FARS2: variants seen among roughly 807,000 people sequenced by gnomAD.
FARS2 encodes phenylalanine--tRNA ligase, mitochondrial.
FARS2 carries 40 observed loss-of-function variants against 46.4 expected under a neutral mutation model. The ratio of observed to expected loss-of-function variants is 0.86; its 90% CI spans 0.67 to 1.12. FARS2 has a LOEUF of 1.12. Ranked by LOEUF, FARS2 falls within the 50% of genes most tolerant of loss-of-function variation. The probability of loss-of-function intolerance (pLI) is 0.00; values close to 1 mark genes in which losing one functional copy is unlikely to be tolerated. For synonymous variants in FARS2, 234 were observed against 214.9 expected (o/e 1.09, Z -0.78); for missense variants, 513 against 567.9 (o/e 0.90, Z 0.98).
chr6:5,512,293 G>A (rs150469556), intron 4 of FARS2, among the ~76,000 whole-genome samples: 1 of 152,164 alleles, frequency 6.6e-6, no homozygotes, highest in South Asian at 2.1e-4. Flanking sequence ...CAGGTCCTCC[G>A]ACTCCCAGGG....
chr6:5,471,653 T>C lies in FARS2; in HGVS notation c.904+40481T>C, dbSNP rs542582213. On this transcript the variant is annotated intron_variant, in intron 4 of 6. Transcript: ENST00000274680. The surrounding 1 kb of genome is among the most constrained non-coding windows in gnomAD (Gnocchi z 4.1). ...AAGGAAAATGAAAAATAAATAGCAG[T>C]CCTGGAATCCTATTGCCTAGTGTAG... Among the ~76,000 whole-genome samples the C allele has an allele frequency of 2.6e-5, 4 of 152,328 alleles. No homozygotes were observed. In the East Asian group the frequency reaches 5.8e-4, roughly 22 times the overall value.
chr6:5,762,656 A>G (rs1762536862), intron 6 of FARS2, among the ~76,000 whole-genome samples: 1 of 152,218 alleles, frequency 6.6e-6, no homozygotes, highest in African/African-American at 2.4e-5. Context: ...TACGTTGCCG[A>G]CGTGTGCTGG....
intron 6 of FARS2, among the ~76,000 whole-genome samples, chr6:5,661,063 G>C (rs562370664): frequency 4.3e-4 from 66 of 152,284 alleles, no homozygotes; most frequent in Non-Finnish European, 7.8e-4. Flanking sequence ...AGCTACACAA[G>C]CAACAAGTTG....
At chr6:5,505,459 G>A (rs1224608746) in intron 4 of FARS2, among the ~76,000 whole-genome samples, 2 of 152,232 alleles carry the variant, frequency 1.3e-5, no homozygotes, top group Non-Finnish European at 2.9e-5. Context: ...AGAAGAAAGA[G>A]TACTGTCCAC....
intron 2 of FARS2, among the ~76,000 whole-genome samples, chr6:5,378,244 G>GAACCACTGTCCTCA (rs757185163): frequency 6.0e-4 from 91 of 152,170 alleles, no homozygotes; most frequent in Middle Eastern, 6.8e-3. Context: ...ACACGTTTGA[G>GAACCACTGTCCTCA]AACCACTGTC....
At chr6:5,607,563 A>T (rs1286707582) in intron 5 of FARS2, among the ~76,000 whole-genome samples, 1 of 152,112 alleles carries the variant, frequency 6.6e-6, no homozygotes, top group Admixed American at 6.5e-5. Context: ...TTCAGTCATC[A>T]TGACCTTGTT....
intron 4 of FARS2, among the ~76,000 whole-genome samples, chr6:5,528,140 G>A (rs1338039779): frequency 6.6e-5 from 10 of 151,720 alleles, no homozygotes; most frequent in African/African-American, 1.7e-4. Context: ...TTCTATCTTC[G>A]TATGTTTGTG....
chr6:5,659,316 A>G (rs1219430752), intron 6 of FARS2, among the ~76,000 whole-genome samples: 1 of 152,172 alleles, frequency 6.6e-6, no homozygotes, highest in Non-Finnish European at 1.5e-5. Context: ...GCAAGGGCTT[A>G]GTCTAGACTT....
intron 6 of FARS2, among the ~76,000 whole-genome samples, chr6:5,668,838 C>CA (rs1414311648): frequency 1.3e-5 from 2 of 151,952 alleles, no homozygotes. Context: ...AGATTACAGG[C>CA]ACCCACCATC....
chr6:5,260,756 C>T (rs1427835336), upstream of FARS2: 8 of 1,540,884 alleles, frequency 5.2e-6, no homozygotes, highest in Admixed American at 3.9e-5. Context: ...AAAAAATAAA[C>T]GGGTCCTCTT....
chr6:5,297,045 G>A (rs1272403418), intron 1 of FARS2, among the ~76,000 whole-genome samples: 3 of 152,222 alleles, frequency 2.0e-5, no homozygotes, highest in Non-Finnish European at 4.4e-5. Context: ...CACCAGCAGA[G>A]CACAGGGGTT....
intron 6 of FARS2, among the ~76,000 whole-genome samples, chr6:5,657,287 C>G (rs567630537): frequency 2.6e-5 from 4 of 152,248 alleles, no homozygotes; most frequent in Non-Finnish European, 5.9e-5. Flanking sequence ...AAGCTGGAAG[C>G]CTTTATCTAA....
At chr6:5,620,353 A>G (rs886772937) in intron 6 of FARS2, among the ~76,000 whole-genome samples, 1 of 152,176 alleles carries the variant, frequency 6.6e-6, no homozygotes, top group African/African-American at 2.4e-5. Context: ...GTTTCATAAA[A>G]TTGTACTTCA....
intron 1 of FARS2, among the ~76,000 whole-genome samples, chr6:5,284,524 C>G (rs1766977573): frequency 6.6e-6 from 1 of 152,076 alleles, no homozygotes; most frequent in Non-Finnish European, 1.5e-5. Context: ...CTTCTGGGTT[C>G]TGTTTGTTAA....
intron 6 of FARS2, among the ~76,000 whole-genome samples, chr6:5,752,858 G>A (rs948754137): frequency 2.6e-5 from 4 of 152,002 alleles, no homozygotes; most frequent in South Asian, 2.1e-4. Context: ...GACACCCCAC[G>A]CCTTGCCCTC....
intron 6 of FARS2, among the ~76,000 whole-genome samples, chr6:5,755,705 G>C (rs1762168220): frequency 6.6e-6 from 1 of 152,004 alleles, no homozygotes; most frequent in African/African-American, 2.4e-5. Flanking sequence ...TCTGTAATTT[G>C]GGGCCTTGAG....
At chr6:5,556,676 TAA>T (rs1771679520) in intron 5 of FARS2, among the ~76,000 whole-genome samples, 1 of 150,642 alleles carries the variant, frequency 6.6e-6, no homozygotes, top group East Asian at 1.9e-4. Flanking sequence ...ATTAAGTTAC[TAA>T]GAAAGAAAGA....
intron 1 of FARS2, among the ~76,000 whole-genome samples, chr6:5,301,135 A>T (rs1323871025): frequency 6.6e-6 from 1 of 151,746 alleles, no homozygotes; most frequent in Non-Finnish European, 1.5e-5. Flanking sequence ...GTAGTCTTTT[A>T]TTTTTCTTCT....
chr6:5,288,921 A>T (rs928411858), intron 1 of FARS2, among the ~76,000 whole-genome samples: 1 of 152,188 alleles, frequency 6.6e-6, no homozygotes, highest in Non-Finnish European at 1.5e-5. Flanking sequence ...TTGTAAACAT[A>T]TATAGCTGTA....
Sources: gnomAD v4.1 joint callset for allele counts (sites outside exome capture counted in the v4.1 genomes callset) on GRCh38, gnomAD v4.1.1 for gene constraint, Gnocchi (gnomAD v3.1) non-coding constraint, MANE v1.5 for transcripts, NCBI Gene and HGNC (gene_info 2026-07-23, HGNC 2026-07-21) for gene names.